The following NDST3 variants were observed in gnomAD, a reference collection of about 807,000 sequenced individuals.
NDST3 encodes N-deacetylase and N-sulfotransferase 3, also known as bifunctional heparan sulfate N-deacetylase/N-sulfotransferase 3.
NDST3 carries 58 observed loss-of-function variants against 96.1 expected under a neutral mutation model. That is an observed-to-expected ratio of 0.60 (90% CI 0.49 to 0.75). The LOEUF (loss-of-function observed/expected upper bound fraction) is 0.75. NDST3 is among the 30% of genes least tolerant of loss of function. The pLI is 0.00. For synonymous variants in NDST3, 333 were observed against 359.7 expected (o/e 0.93, Z 0.84); for missense variants, 788 against 1,034.2 (o/e 0.76, Z 3.27).
chr4:118,103,520 C>T (rs1377440959), intron 2 of NDST3, among the ~76,000 whole-genome samples: 1 of 152,094 alleles, frequency 6.6e-6, no homozygotes, highest in African/African-American at 2.4e-5. Flanking sequence ...TATACAGACA[C>T]TTGTATATGT....
At chr4:118,138,489 T>A (rs1200667029) in intron 5 of NDST3, among the ~76,000 whole-genome samples, 2 of 151,630 alleles carry the variant, frequency 1.3e-5, no homozygotes, top group Non-Finnish European at 2.9e-5. Context: ...GTTAAAATAC[T>A]AAAAAAAAAT....
At chr4:118,075,210 G>T (rs957417428) in intron 2 of NDST3, among the ~76,000 whole-genome samples, 1 of 152,082 alleles carries the variant, frequency 6.6e-6, no homozygotes, top group African/African-American at 2.4e-5. Context: ...CTTCATCCAC[G>T]TCACTACAAA....
intron 12 of NDST3, among the ~76,000 whole-genome samples, chr4:118,245,568 T>C (rs2126009577): frequency 6.6e-6 from 1 of 152,328 alleles, no homozygotes; most frequent in Middle Eastern, 3.4e-3. Context: ...CTACCCACTG[T>C]AGATAAATTT....
intron 6 of NDST3, among the ~76,000 whole-genome samples, chr4:118,161,253 G>A (rs10012051): frequency 0.037 from 5,591 of 152,220 alleles, 157 homozygotes; most frequent in African/African-American, 0.076. Flanking sequence ...AGGAGTACCC[G>A]GCCGTGTGAG....
intron 2 of NDST3, among the ~76,000 whole-genome samples, chr4:118,097,532 G>T (rs1448981904): frequency 6.6e-6 from 1 of 151,788 alleles, no homozygotes; most frequent in Non-Finnish European, 1.5e-5. Context: ...ATCACCCAGG[G>T]TATGTTGCCT....
chr4:118,096,403 C>A (rs1419390216), intron 2 of NDST3, among the ~76,000 whole-genome samples: 2 of 151,840 alleles, frequency 1.3e-5, no homozygotes, highest in Admixed American at 6.6e-5. Flanking sequence ...ACTGAGTTAT[C>A]ATACTTTGCC....
intron 6 of NDST3, among the ~76,000 whole-genome samples, chr4:118,219,824 A>C (rs1739420426): frequency 6.6e-6 from 1 of 152,180 alleles, no homozygotes; most frequent in African/African-American, 2.4e-5. Context: ...AGGAAAAAAC[A>C]AACATCATCA....
chr4:118,133,726 C>T (rs1326583399), intron 4 of NDST3, among the ~76,000 whole-genome samples: 3 of 152,100 alleles, frequency 2.0e-5, no homozygotes. Context: ...ATTAAAATTT[C>T]CCTGATAGTT....
At chr4:118,188,182 A>G (rs1737089033) in intron 6 of NDST3, among the ~76,000 whole-genome samples, 1 of 151,846 alleles carries the variant, frequency 6.6e-6, no homozygotes, top group Non-Finnish European at 1.5e-5. Flanking sequence ...CCTGAAGTTT[A>G]GATTATCTTC....
intron 4 of NDST3, among the ~76,000 whole-genome samples, chr4:118,124,165 T>C (rs1560659994): frequency 6.6e-6 from 1 of 152,146 alleles, no homozygotes; most frequent in East Asian, 1.9e-4. Context: ...TAATATCTAA[T>C]ATGTATAATA....
intron 2 of NDST3, among the ~76,000 whole-genome samples, chr4:118,073,697 C>A (rs368383344): frequency 6.6e-6 from 1 of 151,650 alleles, no homozygotes; most frequent in Admixed American, 6.6e-5. Context: ...CTCTTACATG[C>A]TTTTTTATGT....
At chr4:118,214,183 T>G (rs1241932306) in intron 6 of NDST3, among the ~76,000 whole-genome samples, 1 of 152,140 alleles carries the variant, frequency 6.6e-6, no homozygotes, top group Non-Finnish European at 1.5e-5. Context: ...TATGCTGTCA[T>G]GCACACTGGA....
intron 2 of NDST3, among the ~76,000 whole-genome samples, chr4:118,100,535 C>T (rs1190430801): frequency 6.6e-6 from 1 of 152,026 alleles, no homozygotes; most frequent in Non-Finnish European, 1.5e-5. Flanking sequence ...CTAGTCTTCC[C>T]ATTCCCCTCA....
intron 3 of NDST3, among the ~76,000 whole-genome samples, chr4:118,108,266 G>C (rs529869680): frequency 1.3e-5 from 2 of 152,306 alleles, no homozygotes; most frequent in South Asian, 4.1e-4. Context: ...AAGAGAATTT[G>C]AGAATCAAAC....
At chr4:118,176,037 TA>T (rs1736260301) in intron 6 of NDST3, among the ~76,000 whole-genome samples, 1 of 152,140 alleles carries the variant, frequency 6.6e-6, no homozygotes, top group African/African-American at 2.4e-5. Flanking sequence ...TGTGTATCAT[TA>T]TGCTTTATTA....
chr4:118,065,455 T>C (rs900039759), intron 2 of NDST3, among the ~76,000 whole-genome samples: 3 of 152,080 alleles, frequency 2.0e-5, no homozygotes, highest in Non-Finnish European at 4.4e-5. Context: ...TTAAGAAATG[T>C]ACCTCACCAA....
intron 2 of NDST3, among the ~76,000 whole-genome samples, chr4:118,058,351 T>C (rs1725603038): frequency 6.7e-6 from 1 of 149,172 alleles, no homozygotes; most frequent in Non-Finnish European, 1.5e-5. Context: ...ATAATATGAG[T>C]ATATTTTAAA....
In NDST3 at chr4:118,138,162, A is replaced by G. The variant is rs192695780; in HGVS notation, c.1333A>G (p.Lys445Glu). ...GGCCTGGAAGAAGGTCTGGAATATT[A>G]AAATCACCAGCACTGAAGAATATCC... ...YEAWKKVWNIKITSTEEYPHL... is the reference protein window; with the variant it reads ...YEAWKKVWNIEITSTEEYPHL... The change falls in exon 5 of 14, where the codon AAA becomes GAA. Residue 445 changes from lysine (K) to glutamate (E), a missense_variant. Transcript: ENST00000296499. 8.3e-4 allele frequency: 1,340 copies of G among 1,614,070 alleles called. 1 individual carries two copies. The highest frequency in any genetic ancestry group is 1.1e-3 in the Non-Finnish European group (1,246 of 1,179,954).
intron 8 of NDST3, among the ~76,000 whole-genome samples, chr4:118,227,865 G>A (rs1444659745): frequency 1.3e-5 from 2 of 152,166 alleles, no homozygotes; most frequent in African/African-American, 2.4e-5. Context: ...GCCCGCCTCG[G>A]CCTCCCAAAG....
Sources: gnomAD v4.1 joint callset for allele counts (sites outside exome capture counted in the v4.1 genomes callset) on GRCh38, gnomAD v4.1.1 for gene constraint, MANE v1.5 for transcripts, NCBI Gene and HGNC (gene_info 2026-07-23, HGNC 2026-07-21) for gene names.